The following DDX17 variants were observed in gnomAD, a reference collection of about 807,000 sequenced individuals.
DDX17 encodes probable ATP-dependent RNA helicase DDX17.
Under a neutral mutation model 80.8 loss-of-function variants are expected in DDX17, and 10 were observed. The ratio of observed to expected loss-of-function variants is 0.12; its 90% CI spans 0.08 to 0.21. The LOEUF is 0.21. Ranked by LOEUF, DDX17 falls within the 10% of genes least tolerant of loss-of-function variation. DDX17 has a pLI of 1.00. For missense variants in DDX17, 586 were observed against 957.4 expected (o/e 0.61, Z 5.12); for synonymous variants, 339 against 336.2 (o/e 1.01, Z -0.09).
At position 38,506,072 on chromosome 22, in the gene DDX17, T is replaced by G. The variant is rs954793469; in HGVS notation, c.166A>C (p.Arg56=). 3 of 1,582,270 alleles carry G rather than the reference T, an allele frequency of 1.9e-6. No homozygotes were observed. In the African/African-American group the frequency reaches 4.0e-5, roughly 21 times the overall value. Residue 56 remains arginine (R), a synonymous_variant, in exon 1 of 13, where the codon AGA becomes CGA. Transcript: ENST00000403230. ...CTCGGGAGGGCCTGCGGCTCCGGTC[T>G]GGTGACGACCGATGGCGGCGGCGCC...
rs897462095 is a variant in DDX17 at position 38,484,154 on chromosome 22, T to TGG, written c.*1779_*1780dup. The TGG allele has an allele frequency of 2.0e-5, 3 of 151,448 alleles. No individual in the cohort carries two copies. The highest frequency in any genetic ancestry group is 7.3e-5 in the African/African-American group (3 of 41,040). 9.4% of individuals were successfully genotyped at this position (151,448 alleles called of 1,614,324 possible). On this transcript the variant is annotated 3_prime_UTR_variant, in exon 13 of 13. Coordinates refer to ENST00000403230, the MANE Select transcript of DDX17 (RefSeq NM_006386.5). The stretch of plus-strand genomic sequence containing the variant: ...GCCAGTGCTTAGACAAATTTGGGGT[T>TGG]GGGGGGAACACTTTGGTTTGAAAGC...
Position 38,498,566 on chromosome 22 carries a change from T to C in DDX17, c.546A>G (p.Val182=). 4 of 1,614,014 alleles carry C rather than the reference T, an allele frequency of 2.5e-6. No individual in the cohort carries two copies. The highest frequency in any genetic ancestry group is 1.1e-5 in the South Asian group (1 of 91,076). ...AGTGCTGATCCATCAACACATCCAT[T>C]ACATATTCTGTAAGAGAATTTTATT... The change falls in exon 4 of 13, where the codon GTA becomes GTG. Residue 182 remains valine (V), a synonymous_variant. Transcript: ENST00000403230.
In DDX17 at chr22:38,506,050, G is replaced by C. The variant is rs866950432; in HGVS notation, c.188C>G (p.Pro63Arg). 2 of 1,585,462 alleles carry C rather than the reference G, an allele frequency of 1.3e-6. No homozygotes were observed. Among genetic ancestry groups the C allele is most frequent in the South Asian group, 1.1e-5 (1 of 87,296 alleles). ...GAGCGGGGCACGGATGGCCGGGCTC[G>C]GGAGGGCCTGCGGCTCCGGTCTGGT... The change falls in exon 1 of 13, where the codon CCG (proline) becomes CGG (arginine). Residue 63 changes from proline to arginine, a missense_variant. Coordinates refer to ENST00000403230, the MANE Select transcript of DDX17 (RefSeq NM_006386.5).
At chr22:38,488,458 T>C (rs2089683470) in intron 11 of DDX17, 7 of 1,156,236 alleles carry the variant, frequency 6.1e-6, no homozygotes, top group Admixed American at 4.2e-5. Context: ...TCCAGTACTA[T>C]CCTTTACAAA....
chr22:38,489,309 G>A lies in DDX17; in HGVS notation c.1448-1194C>T, dbSNP rs2145688727. 1 of 985,664 alleles carries A rather than the reference G, an allele frequency of 1.0e-6. No homozygotes were observed. Among genetic ancestry groups the A allele is most frequent in the Non-Finnish European group, 1.2e-6 (1 of 829,912 alleles). The allele number at this position is 985,664 out of a possible 1,614,324, so 61.1% of individuals were successfully genotyped here. ...CTTTTATTTTTGGCGGCCTCCTTTC[G>A]AAAACTCCGCCTTCTGACACGGGAC... On this transcript the variant is annotated intron_variant, in intron 11 of 12. Transcript: ENST00000403230. This position sits in a 1 kb window ranked among gnomAD's most constrained non-coding sequence, Gnocchi z 4.6.
In DDX17 at chr22:38,506,277, CGT is replaced by C. The variant is rs1569145329; in HGVS notation, c.-42_-41del. The C allele has an allele frequency of 6.5e-7, 1 of 1,536,894 alleles. No individual in the cohort carries two copies. Among genetic ancestry groups the C allele is most frequent in the Admixed American group, 2.3e-5 (1 of 43,916 alleles). ...AAACCGGGCAGTGCCGCGGTTTAGG[CGT>C]CTCCTTCCTTCCCAGCGACTGCACA... On this transcript the variant is annotated 5_prime_UTR_variant, in exon 1 of 13. Coordinates refer to ENST00000403230, the MANE Select transcript of DDX17 (RefSeq NM_006386.5).
chr22:38,500,345 A>G (rs1160137057), intron 2 of DDX17, among the ~76,000 whole-genome samples: 2 of 152,038 alleles, frequency 1.3e-5, no homozygotes, highest in African/African-American at 4.8e-5. Context: ...GGGGTCTTAG[A>G]TAAGAATGTA....
At chr22:38,492,478 A>G (rs1048499932) in intron 10 of DDX17, among the ~76,000 whole-genome samples, 1 of 152,024 alleles carries the variant, frequency 6.6e-6, no homozygotes, top group Non-Finnish European at 1.5e-5. Context: ...AGGTATGCAT[A>G]TTATTTATTT....
At position 38,485,110 on chromosome 22, in the gene DDX17, A is replaced by G. The variant is rs921510517; in HGVS notation, c.*825T>C. ...TTGCTCACAGCAGCTGTCTGGATGG[A>G]AAATTAATTTCACAGATGGTCCCCA... On this transcript the variant is annotated 3_prime_UTR_variant, in exon 13 of 13. Transcript: ENST00000403230. 2 of 152,236 alleles carry G rather than the reference A, an allele frequency of 1.3e-5. No individual in the cohort carries two copies. Among genetic ancestry groups the G allele is most frequent in the Non-Finnish European group, 2.9e-5 (2 of 68,042 alleles). 9.4% of individuals were successfully genotyped at this position (152,236 alleles called of 1,614,324 possible). A position where few individuals can be genotyped will look rare whatever the true frequency, so the allele number is the denominator to read the frequency against.
chr22:38,496,197 A>G (rs576009569), intron 5 of DDX17, among the ~76,000 whole-genome samples: 4 of 152,248 alleles, frequency 2.6e-5, no homozygotes, highest in African/African-American at 9.6e-5. Context: ...CAATCATTAT[A>G]GTTTATATAT....
In DDX17 at chr22:38,486,209, G is replaced by A. The variant is rs778738403; in HGVS notation, c.1916C>T (p.Thr639Ile). The change falls in exon 13 of 13, where the codon ACC (threonine) becomes ATC (isoleucine). Residue 639 changes from threonine to isoleucine, a missense_variant. This residue lies in a region of DDX17 where 221 missense variants were observed against 261.4 expected (regional missense o/e 0.85). Transcript: ENST00000403230. ...GGTGCCATAAGCAGCTGCCCCATAG[G>A]TGCCTTGACCATAGGTGTATTGGCC... The A allele has an allele frequency of 3.7e-6, 6 of 1,613,964 alleles. No individual in the cohort carries two copies. In the Admixed American group the frequency reaches 6.7e-5, roughly 18 times the overall value.
chr22:38,494,720 G>A lies in DDX17; in HGVS notation c.1124C>T (p.Thr375Ile). 1 of 1,614,126 alleles carries A rather than the reference G, an allele frequency of 6.2e-7. No individual in the cohort carries two copies. Among genetic ancestry groups the A allele is most frequent in the Non-Finnish European group, 8.5e-7 (1 of 1,180,020 alleles). Reference sequence around the variant, plus strand: ...CTCCAGATTGCCTACGTTGATCTGGGTGTAATCACGAAGGAAATCCTCTGC... The same window carrying A: ...CTCCAGATTGCCTACGTTGATCTGGATGTAATCACGAAGGAAATCCTCTGC... Residue 375 changes from threonine (T) to isoleucine (I), a missense_variant, in exon 8 of 13, where the codon ACC becomes ATC. By Grantham distance (89) the Thr-to-Ile change is moderately conservative. Transcript: ENST00000403230.
intron 5 of DDX17, 64 bp from the exon 6 acceptor site, chr22:38,496,001 AAGAAAC>A: frequency 8.6e-7 from 1 of 1,169,366 alleles, no homozygotes; most frequent in Non-Finnish European, 1.2e-6. Context: ...AAAAAAAAAG[AAGAAAC>A]AAAATACAAA....
rs2089694092 is a variant in DDX17 at position 38,489,666 on chromosome 22, G to C, written c.1448-1551C>G. On this transcript the variant is annotated intron_variant, in intron 11 of 12. Transcript: ENST00000403230. This position sits in a 1 kb window ranked among gnomAD's most constrained non-coding sequence, Gnocchi z 4.6. ...GTTGTTACAGGGCTTGTGAAGAAGGGGCATTATGTCTGTTTCTTATTACAA... is the reference window on the plus strand; with the variant it reads ...GTTGTTACAGGGCTTGTGAAGAAGGCGCATTATGTCTGTTTCTTATTACAA... 1.0e-6 allele frequency: 1 copy of C among 985,194 alleles called. No homozygotes were observed. Among genetic ancestry groups the C allele is most frequent in the Non-Finnish European group, 1.2e-6 (1 of 829,906 alleles). The allele number at this position is 985,194 out of a possible 1,614,324, so 61.0% of individuals were successfully genotyped here.
At position 38,487,981 on chromosome 22, in the gene DDX17, T is replaced by G; in HGVS notation, c.1582A>C (p.Lys528Gln). Reference sequence around the variant, plus strand: ...ACTTTGATAAGCTCTCTGGCCTGTTTTAGGTTCCCTGGGGTGAAGAAGGTA... The same window carrying G: ...ACTTTGATAAGCTCTCTGGCCTGTTGTAGGTTCCCTGGGGTGAAGAAGGTA... The change falls in exon 12 of 13, where the codon AAA becomes CAA. Residue 528 changes from lysine (K) to glutamine (Q), a missense_variant. Physicochemically the swap from Lys to Gln is moderately conservative, Grantham distance 53. Around this residue, in one of 4 missense-constraint regions of DDX17, gnomAD observed 221 missense variants for 261.4 expected, o/e 0.85. Coordinates refer to ENST00000403230, the MANE Select transcript of DDX17 (RefSeq NM_006386.5). The G allele has an allele frequency of 6.2e-7, 1 of 1,614,240 alleles. No individual in the cohort carries two copies. The highest frequency in any genetic ancestry group is 8.5e-7 in the Non-Finnish European group (1 of 1,180,044).
chr22:38,486,218 C>T lies in DDX17; in HGVS notation c.1907G>A (p.Gly636Asp). The change falls in exon 13 of 13, where the codon GGT (glycine) becomes GAT (aspartate). Residue 636 changes from glycine (G) to aspartate (D), a missense_variant. Gly to Asp is a moderately conservative substitution (Grantham distance 94). This residue lies in a region of DDX17 where 221 missense variants were observed against 261.4 expected (regional missense o/e 0.85). Transcript: ENST00000403230. The stretch of plus-strand genomic sequence containing the variant: ...AGCAGCTGCCCCATAGGTGCCTTGA[C>T]CATAGGTGTATTGGCCTGCTTGTGC... 6.2e-7 allele frequency: 1 copy of T among 1,614,084 alleles called. No homozygotes were observed. Among genetic ancestry groups the T allele is most frequent in the Non-Finnish European group, 8.5e-7 (1 of 1,179,952 alleles).
At position 38,484,821 on chromosome 22, in the gene DDX17, CA is replaced by C. The variant is rs2145680081; in HGVS notation, c.*1113del. ...AAGGATGCCGAAGAAAATCTGCACC[CA>C]GAAGCTGTTAGAAAGCACTGCAGAG... On this transcript the variant is annotated 3_prime_UTR_variant, in exon 13 of 13. Coordinates refer to ENST00000403230, the MANE Select transcript of DDX17 (RefSeq NM_006386.5). 1 of 152,300 alleles carries C rather than the reference CA, an allele frequency of 6.6e-6. No individual in the cohort carries two copies. Among genetic ancestry groups the C allele is most frequent in the African/African-American group, 2.4e-5 (1 of 41,558 alleles). 9.4% of individuals were successfully genotyped at this position (152,300 alleles called of 1,614,324 possible).
At chr22:38,494,831 G>A (rs751488892) in intron 7 of DDX17, 29 bp from the exon 8 acceptor site, 2 of 1,613,966 alleles carry the variant, frequency 1.2e-6, no homozygotes, top group Non-Finnish European at 1.7e-6. Flanking sequence ...CTTTCTTTCA[G>A]GCTAAGGAAC....
Position 38,505,931 on chromosome 22 carries a change from C to T in DDX17, c.287+20G>A, listed in dbSNP as rs752931055. 3.9e-6 allele frequency: 6 copies of T among 1,552,806 alleles called. No homozygotes were observed. Among genetic ancestry groups the T allele is most frequent in the Middle Eastern group, 1.8e-4 (1 of 5,440 alleles). ...CCCCCACCCCCACGCCAGGCCTCTC[C>T]TCTCCTCCCCCACCCTTACCCTCCA... On this transcript the variant is annotated intron_variant, in intron 1 of 12. Transcript: ENST00000403230.
Sources: gnomAD v4.1 joint callset for allele counts (sites outside exome capture counted in the v4.1 genomes callset) on GRCh38, gnomAD v4.1.1 for gene constraint, gnomAD v4.1.1 regional missense constraint, Gnocchi (gnomAD v3.1) non-coding constraint, MANE v1.5 for transcripts, NCBI Gene and HGNC (gene_info 2026-07-23, HGNC 2026-07-21) for gene names.